TASP1: variants seen among roughly 807,000 people sequenced by gnomAD.
TASP1 encodes threonine aspartase 1.
In TASP1, 16 loss-of-function variants were observed where a neutral mutation model predicts 56.6. That is an observed-to-expected ratio of 0.28 (90% CI 0.19 to 0.43). The LOEUF (loss-of-function observed/expected upper bound fraction) is 0.43. Among genes scored for constraint, TASP1 ranks in the 20% least tolerant of loss-of-function variants. The pLI is 1.00. For synonymous variants in TASP1, 179 were observed against 184.2 expected, an observed-to-expected ratio of 0.97 and a Z score of 0.23; for missense variants, 393 against 511.6, an observed-to-expected ratio of 0.77 and a Z score of 2.24.
chr20:13,270,985 T>C, the TASP1 span, among the ~76,000 whole-genome samples: 4 of 152,092 alleles, frequency 2.6e-5, no homozygotes, highest in Non-Finnish European at 5.9e-5. Context: ...AATTAAAGTA[T>C]GACACACCAA....
the TASP1 span, among the ~76,000 whole-genome samples, chr20:13,227,959 CTT>C: frequency 0.025 from 3,183 of 128,938 alleles, 54 homozygotes; most frequent in African/African-American, 0.081. Flanking sequence ...CTGCTGCTGC[CTT>C]TTTTTTTTTT....
the TASP1 span, among the ~76,000 whole-genome samples, chr20:13,367,073 T>A: frequency 6.6e-6 from 1 of 152,230 alleles, no homozygotes; most frequent in Non-Finnish European, 1.5e-5. Flanking sequence ...ATCAATGAAC[T>A]CATTTTATAT....
chr20:13,632,766 A>T (rs1458178923), intron 1 of TASP1, among the ~76,000 whole-genome samples: 4 of 152,204 alleles, frequency 2.6e-5, no homozygotes, highest in Admixed American at 6.5e-5. Context: ...CTACTCCAAC[A>T]TCAGTTTTTG....
intron 12 of TASP1, among the ~76,000 whole-genome samples, chr20:13,423,636 T>C (rs1362335655): frequency 6.6e-6 from 1 of 152,208 alleles, no homozygotes; most frequent in African/African-American, 2.4e-5. Context: ...ATAGAGTCTC[T>C]CTGGAAGACT....
At chr20:13,625,152 G>T (rs112602675) in intron 3 of TASP1, 33 bp downstream of exon 3, 2 of 1,480,718 alleles carry the variant, frequency 1.4e-6, no homozygotes, top group Non-Finnish European at 1.8e-6. Flanking sequence ...GTTCAAAACT[G>T]CAATGCACAG....
the TASP1 span, among the ~76,000 whole-genome samples, chr20:13,230,053 T>C: frequency 1.1e-4 from 16 of 152,228 alleles, no homozygotes; most frequent in Non-Finnish European, 1.6e-4. Context: ...CCTTCATTTA[T>C]TCACTTCTAC....
downstream of TASP1, among the ~76,000 whole-genome samples, chr20:13,386,107 T>C (rs2041161113): frequency 6.6e-6 from 1 of 152,336 alleles, no homozygotes; most frequent in Admixed American, 6.5e-5. Flanking sequence ...CTGCTCAGCA[T>C]TGTCATAGAT....
chr20:13,323,223 T>C, the TASP1 span, among the ~76,000 whole-genome samples: 3 of 152,078 alleles, frequency 2.0e-5, no homozygotes, highest in African/African-American at 4.8e-5. Flanking sequence ...TATGTCCTTG[T>C]AAAGCAGGAG....
the TASP1 span, among the ~76,000 whole-genome samples, chr20:13,381,860 C>T: frequency 2.0e-4 from 31 of 152,236 alleles, 1 homozygote; most frequent in African/African-American, 6.7e-4. Flanking sequence ...ACATGATTTG[C>T]GGGGCAAGGG....
chr20:13,541,212 C>G (rs1046676394), intron 8 of TASP1, among the ~76,000 whole-genome samples: 1 of 152,008 alleles, frequency 6.6e-6, no homozygotes, highest in Non-Finnish European at 1.5e-5. Flanking sequence ...AGGGAAAAAG[C>G]CAGATAGAAA....
chr20:13,399,815 T>C (rs778062733), intron 13 of TASP1, among the ~76,000 whole-genome samples: 5 of 152,206 alleles, frequency 3.3e-5, no homozygotes, highest in African/African-American at 4.8e-5. Context: ...ATACTGACCA[T>C]GGATAAAAAA....
chr20:13,520,097 A>G (rs1426131403), intron 10 of TASP1, among the ~76,000 whole-genome samples: 1 of 152,244 alleles, frequency 6.6e-6, no homozygotes, highest in Non-Finnish European at 1.5e-5. Context: ...GGAGAACTAC[A>G]AACCACTGCT....
intron 4 of TASP1, among the ~76,000 whole-genome samples, chr20:13,593,267 G>A (rs1006025335): frequency 3.3e-5 from 5 of 152,176 alleles, no homozygotes; most frequent in South Asian, 2.1e-4. Flanking sequence ...GAACAGCTCC[G>A]GTCTGCAGCT....
chr20:13,152,949 T>C, the TASP1 span, among the ~76,000 whole-genome samples: 2 of 152,204 alleles, frequency 1.3e-5, no homozygotes, highest in African/African-American at 4.8e-5. Flanking sequence ...CAAAATATTG[T>C]ATAACCTCTA....
At chr20:13,381,136 C>G in the TASP1 span, among the ~76,000 whole-genome samples, 7 of 152,316 alleles carry the variant, frequency 4.6e-5, no homozygotes, top group East Asian at 1.4e-3. Context: ...AAAAAAACTC[C>G]TGCAGCTAGC....
the TASP1 span, among the ~76,000 whole-genome samples, chr20:13,221,538 T>TGGCTCCGCCGTGGTGCGGC: frequency 7.1e-6 from 1 of 141,258 alleles, no homozygotes; most frequent in Non-Finnish European, 1.6e-5. Context: ...GGCCTCGCGG[T>TGGCTCCGCCGTGGTGCGGC]GGCTCCGCCG....
chr20:13,448,497 A>G (rs535379498), intron 11 of TASP1, among the ~76,000 whole-genome samples: 1 of 152,230 alleles, frequency 6.6e-6, no homozygotes, highest in Admixed American at 6.6e-5. Flanking sequence ...ATTTTGCTTT[A>G]GGGTCAGAAT....
the TASP1 span, among the ~76,000 whole-genome samples, chr20:13,352,304 G>T: frequency 1.9e-4 from 29 of 152,028 alleles, no homozygotes; most frequent in Non-Finnish European, 3.1e-4. Flanking sequence ...ACAAAAAGTA[G>T]CCAGGCGTGG....
At chr20:13,432,712 T>C (rs1223197858) in intron 12 of TASP1, among the ~76,000 whole-genome samples, 1 of 152,188 alleles carries the variant, frequency 6.6e-6, no homozygotes, top group Non-Finnish European at 1.5e-5. Context: ...AACCAGTTTA[T>C]AAATCACTAC....
Sources: gnomAD v4.1 joint callset for allele counts (sites outside exome capture counted in the v4.1 genomes callset) on GRCh38, gnomAD v4.1.1 for gene constraint, MANE v1.5 for transcripts, NCBI Gene and HGNC (gene_info 2026-07-23, HGNC 2026-07-21) for gene names.